Variants in NTM observed in about 807,000 individuals in gnomAD.
NTM encodes IgLON family member 2.
In NTM, 13 loss-of-function variants were observed where a neutral mutation model predicts 42.1. That is an observed-to-expected ratio of 0.31 (90% CI 0.20 to 0.49). The LOEUF (loss-of-function observed/expected upper bound fraction) is 0.49, where lower values mean the gene tolerates loss of function less well. NTM is among the 20% of genes least tolerant of loss of function. The pLI is 0.99. For synonymous variants in NTM, 187 were observed against 179.2 expected, an observed-to-expected ratio of 1.04 and a Z score of -0.35; for missense variants, 373 against 452.8, an observed-to-expected ratio of 0.82 and a Z score of 1.60.
At chr11:132,044,038 A>G (rs1355269305) in intron 2 of NTM, among the ~76,000 whole-genome samples, 4 of 144,228 alleles carry the variant, frequency 2.8e-5, no homozygotes, top group East Asian at 2.0e-4. Flanking sequence ...ATGTGTGTAT[A>G]TGTGTATGGG....
chr11:131,916,731 G>T (rs114179393), intron 2 of NTM, among the ~76,000 whole-genome samples: 1 of 152,146 alleles, frequency 6.6e-6, no homozygotes, highest in Non-Finnish European at 1.5e-5. Context: ...GCCTCCTCCA[G>T]GCTTGCCTCC....
Position 131,508,175 on chromosome 11 carries a change from A to C in NTM, c.82+137287A>C, listed in dbSNP as rs891278742. On this transcript the variant is annotated intron_variant, in intron 1 of 8. Coordinates refer to ENST00000683400, the MANE Select transcript of NTM (RefSeq NM_001352005.2). ...AATATCCAGAATCTACAATGAACTCAAACAAATTTCCAAGAAAAAACAAAC... is the reference window on the plus strand; with the variant it reads ...AATATCCAGAATCTACAATGAACTCCAACAAATTTCCAAGAAAAAACAAAC... 1.2e-4 allele frequency among the ~76,000 whole-genome samples: 18 copies of C among 146,984 alleles called. 1 individual carries two copies. The highest frequency in any genetic ancestry group is 4.2e-4 in the African/African-American group (16 of 38,132).
At chr11:131,744,701 C>T (rs1224682648) in intron 1 of NTM, among the ~76,000 whole-genome samples, 2 of 152,138 alleles carry the variant, frequency 1.3e-5, no homozygotes, top group African/African-American at 4.8e-5. Context: ...CAAGTGTCCT[C>T]TGCAGTTATT....
intron 3 of NTM, among the ~76,000 whole-genome samples, chr11:132,159,901 T>C (rs2073953680): frequency 6.6e-6 from 1 of 152,228 alleles, no homozygotes; most frequent in South Asian, 2.1e-4. Flanking sequence ...TCATGCTGAT[T>C]AGTAGGAACT....
intron 4 of NTM, among the ~76,000 whole-genome samples, chr11:132,264,304 G>A (rs1046049687): frequency 6.6e-6 from 1 of 152,062 alleles, no homozygotes; most frequent in Non-Finnish European, 1.5e-5. Context: ...TATTTCTTCT[G>A]TGAATTGCTT....
intron 2 of NTM, among the ~76,000 whole-genome samples, chr11:132,097,238 T>A (rs1266637175): frequency 6.6e-6 from 1 of 152,182 alleles, no homozygotes; most frequent in East Asian, 1.9e-4. Flanking sequence ...GTGTGTGTGG[T>A]GGTCGTGTCA....
intron 2 of NTM, among the ~76,000 whole-genome samples, chr11:132,086,355 A>G (rs1024422360): frequency 6.6e-6 from 1 of 151,986 alleles, no homozygotes; most frequent in African/African-American, 2.4e-5. Flanking sequence ...TGGCAAGACA[A>G]GGTGGAGAAA....
intron 2 of NTM, among the ~76,000 whole-genome samples, chr11:132,124,715 G>T (rs958670856): frequency 2.6e-5 from 4 of 152,258 alleles, no homozygotes; most frequent in African/African-American, 9.6e-5. Context: ...GGTGTCTCAT[G>T]CATGTAATTC....
intron 4 of NTM, among the ~76,000 whole-genome samples, chr11:132,225,172 A>G (rs2085949628): frequency 6.6e-6 from 1 of 152,196 alleles, no homozygotes; most frequent in African/African-American, 2.4e-5. Context: ...AAAGCACAAC[A>G]GTGTATACTT....
chr11:131,749,021 C>G (rs1289879124), intron 1 of NTM, among the ~76,000 whole-genome samples: 1 of 152,228 alleles, frequency 6.6e-6, no homozygotes, highest in Non-Finnish European at 1.5e-5. Flanking sequence ...ATGTCCTCAG[C>G]ACTTAGATCA....
chr11:132,135,235 C>T (rs946693285), intron 2 of NTM, among the ~76,000 whole-genome samples: 37 of 152,340 alleles, frequency 2.4e-4, no homozygotes, highest in Admixed American at 2.2e-3. Flanking sequence ...CGTGTCCTCT[C>T]TCCCAGGGGC....
intron 1 of NTM, among the ~76,000 whole-genome samples, chr11:131,661,829 A>G (rs1316164861): frequency 6.6e-6 from 1 of 152,126 alleles, no homozygotes; most frequent in African/African-American, 2.4e-5. Context: ...TCCCACACGT[A>G]TTTGTTATTT....
chr11:132,068,950 AT>A (rs2056936065), intron 2 of NTM, among the ~76,000 whole-genome samples: 1 of 152,238 alleles, frequency 6.6e-6, no homozygotes, highest in South Asian at 2.1e-4. Context: ...TTATTTTTGA[AT>A]GTTAATCTCA....
At chr11:132,171,909 C>T (rs2076170032) in intron 3 of NTM, among the ~76,000 whole-genome samples, 1 of 152,114 alleles carries the variant, frequency 6.6e-6, no homozygotes, top group Admixed American at 6.6e-5. Context: ...ATGCTTCTTT[C>T]TGCAAATCTC....
chr11:131,697,002 G>T (rs1252021150), intron 1 of NTM, among the ~76,000 whole-genome samples: 1 of 152,216 alleles, frequency 6.6e-6, no homozygotes, highest in Non-Finnish European at 1.5e-5. Flanking sequence ...GAATAGCCCT[G>T]AGTATATGGA....
intron 1 of NTM, among the ~76,000 whole-genome samples, chr11:131,762,464 A>C (rs11222778): frequency 6.6e-6 from 1 of 152,116 alleles, no homozygotes; most frequent in Admixed American, 6.5e-5. Context: ...ACATGGACAG[A>C]TGGGCAGTGT....
intron 2 of NTM, among the ~76,000 whole-genome samples, chr11:132,004,594 T>A: frequency 8.1e-6 from 1 of 123,268 alleles, no homozygotes; most frequent in African/African-American, 3.5e-5. Context: ...AGTTTCTCTC[T>A]CTTTCTCTCT....
At chr11:131,605,068 T>G (rs565905775) in intron 1 of NTM, among the ~76,000 whole-genome samples, 1 of 152,192 alleles carries the variant, frequency 6.6e-6, no homozygotes, top group East Asian at 1.9e-4. Context: ...CCTTATTAAT[T>G]TTAGGATCAT....
At chr11:132,202,268 C>T (rs563443083) in intron 3 of NTM, among the ~76,000 whole-genome samples, 25 of 152,112 alleles carry the variant, frequency 1.6e-4, no homozygotes, top group Non-Finnish European at 2.4e-4. Context: ...TTAGGAGTTA[C>T]GGTGAGGATT....
Sources: allele counts gnomAD v4.1 joint callset (sites outside exome capture counted in the v4.1 genomes callset), GRCh38; gene constraint gnomAD v4.1.1; transcripts MANE v1.5; gene names NCBI Gene and HGNC (gene_info 2026-07-23, HGNC 2026-07-21).